The following RILPL1 variants were observed in gnomAD, a reference collection of about 807,000 sequenced individuals.
RILPL1 encodes RILP-like protein 1.
Under a neutral mutation model 50.3 loss-of-function variants are expected in RILPL1, and 33 were observed. That is an observed-to-expected ratio of 0.66 (90% CI 0.50 to 0.88). The LOEUF (loss-of-function observed/expected upper bound fraction) is 0.88, where lower values mean the gene tolerates loss of function less well. Ranked by LOEUF, RILPL1 falls within the 40% of genes least tolerant of loss-of-function variation. The pLI, the probability that RILPL1 is intolerant of heterozygous loss-of-function variation, is 0.00. For synonymous variants in RILPL1, 205 were observed against 228.6 expected (o/e 0.90, Z 0.93); for missense variants, 418 against 542.5 (o/e 0.77, Z 2.28).
At chr12:123,495,709 C>A (rs1315961408) in intron 4 of RILPL1, among the ~76,000 whole-genome samples, 1 of 129,848 alleles carries the variant, frequency 7.7e-6, no homozygotes, top group Non-Finnish European at 1.6e-5. Flanking sequence ...GAGACAGAGT[C>A]TCGCTCCGTT....
chr12:123,512,081 GTGTGGT>G (rs1315098918), intron 2 of RILPL1, among the ~76,000 whole-genome samples: 8 of 135,014 alleles, frequency 5.9e-5, no homozygotes, highest in Non-Finnish European at 9.6e-5. Flanking sequence ...GTCTGTGTGT[GTGTGGT>G]GTGTGTGAGG....
At chr12:123,487,212 G>A (rs550575102) in intron 4 of RILPL1, among the ~76,000 whole-genome samples, 2 of 152,216 alleles carry the variant, frequency 1.3e-5, no homozygotes, top group Admixed American at 1.3e-4. Flanking sequence ...CCCAGAAACA[G>A]AATCATACAT....
intron 6 of RILPL1, 43 bp downstream of exon 6, chr12:123,484,137 C>CGCCAGGTCAGCCGAGCGCAGAA: frequency 7.5e-7 from 1 of 1,328,570 alleles, no homozygotes; most frequent in Middle Eastern, 2.0e-4. Flanking sequence ...ACACGTGAAC[C>CGCCAGGTCAGCCGAGCGCAGAA]GCCAGGTCAG....
intron 2 of RILPL1, among the ~76,000 whole-genome samples, chr12:123,501,867 G>A (rs941538593): frequency 6.6e-6 from 1 of 150,588 alleles, no homozygotes; most frequent in African/African-American, 2.4e-5. Flanking sequence ...ACCTAGGTCG[G>A]GAGCTCGAGA....
At chr12:123,490,141 C>T (rs932674696) in intron 4 of RILPL1, among the ~76,000 whole-genome samples, 1 of 152,056 alleles carries the variant, frequency 6.6e-6, no homozygotes. Context: ...TCAGACAGCT[C>T]GGGTCCTGCC....
intron 3 of RILPL1, 73 bp downstream of exon 3, chr12:123,499,345 A>T: frequency 1.0e-6 from 1 of 981,686 alleles, no homozygotes; most frequent in Non-Finnish European, 1.6e-6. Context: ...GGGCCTGCTG[A>T]GTGGAGGGTC....
In RILPL1 at chr12:123,494,827, G is replaced by C. The variant is rs112116381; in HGVS notation, c.801+3717C>G. On this transcript the variant is annotated intron_variant, in intron 4 of 6. Transcript: ENST00000376874. ...CTCCAGTGAAACAGCTGAGTGTATC[G>C]CTCGCCTGCTGAACCCCTGCGAGGG... 3.1e-3 allele frequency among the ~76,000 whole-genome samples: 467 copies of C among 152,232 alleles called. 1 individual carries two copies. The highest frequency in any genetic ancestry group is 9.4e-3 in the African/African-American group (391 of 41,520).
intron 2 of RILPL1, among the ~76,000 whole-genome samples, chr12:123,515,009 C>A (rs1391866885): frequency 6.6e-6 from 1 of 151,720 alleles, no homozygotes; most frequent in Non-Finnish European, 1.5e-5. Flanking sequence ...AGGCTCACTG[C>A]AGCCTTGACC....
intron 2 of RILPL1, among the ~76,000 whole-genome samples, chr12:123,520,637 G>A (rs1884968153): frequency 6.6e-6 from 1 of 152,170 alleles, no homozygotes; most frequent in African/African-American, 2.4e-5. Flanking sequence ...GGGTTCCGGG[G>A]TCCTCCAGGC....
chr12:123,517,340 T>C (rs924525350), intron 2 of RILPL1, among the ~76,000 whole-genome samples: 4 of 152,086 alleles, frequency 2.6e-5, no homozygotes, highest in Non-Finnish European at 4.4e-5. Flanking sequence ...TTTGTGGTCA[T>C]TTATTATGAC....
At chr12:123,529,117 C>T (rs1300843782) in intron 1 of RILPL1, among the ~76,000 whole-genome samples, 5 of 152,168 alleles carry the variant, frequency 3.3e-5, no homozygotes. Context: ...CGTCTTCTGC[C>T]TAGAATGCCT....
chr12:123,509,626 C>A (rs567969847), intron 2 of RILPL1, among the ~76,000 whole-genome samples: 9 of 151,706 alleles, frequency 5.9e-5, no homozygotes, highest in African/African-American at 1.5e-4. Context: ...ACCCTGAAGA[C>A]CTTATGCTTA....
In RILPL1 at chr12:123,501,747, G is replaced by C. The variant is rs574100394; in HGVS notation, c.461-2211C>G. ...TGCACTCCAGCCTGGGCAACAGTTCGAGACTCTGTCTCAAAAAAAAAAAAA... is the reference window on the plus strand; with the variant it reads ...TGCACTCCAGCCTGGGCAACAGTTCCAGACTCTGTCTCAAAAAAAAAAAAA... On this transcript the variant is annotated intron_variant, in intron 2 of 6. Transcript: ENST00000376874. Among the ~76,000 whole-genome samples, 83 of 126,846 alleles carry C rather than the reference G, an allele frequency of 6.5e-4. 2 individuals carry two copies. In the South Asian group the frequency reaches 0.021, roughly 32 times the overall value. The allele number at this position is 126,846 out of a possible 152,430, so 83.2% of individuals were successfully genotyped here.
intron 2 of RILPL1, among the ~76,000 whole-genome samples, chr12:123,521,807 C>G (rs1280513642): frequency 2.0e-5 from 3 of 150,042 alleles, no homozygotes; most frequent in African/African-American, 7.4e-5. Flanking sequence ...TAGTCTTGCT[C>G]TGTCGCCCAG....
rs1240264429 is a variant in RILPL1, at chr12:123,485,467, A to G, written c.974+166T>C. 6.6e-6 allele frequency among the ~76,000 whole-genome samples: 1 copy of G among 152,186 alleles called. No individual in the cohort carries two copies. Among genetic ancestry groups the G allele is most frequent in the Non-Finnish European group, 1.5e-5 (1 of 68,036 alleles). On this transcript the variant is annotated intron_variant, in intron 5 of 6. Coordinates refer to ENST00000376874, the MANE Select transcript of RILPL1 (RefSeq NM_178314.5). This position sits in a 1 kb window ranked among gnomAD's most constrained non-coding sequence, Gnocchi z 4.0. ...CCCGGCCTGGGCCCAAGAGTTTCAG[A>G]AAGGGGTTGTGAGCTTGTATGTAAG... is the stretch of plus-strand genomic sequence containing the variant.
At chr12:123,521,648 TATACACATATATGTATATATATA>T (rs1885045326) in intron 2 of RILPL1, among the ~76,000 whole-genome samples, 15 of 21,666 alleles carry the variant, frequency 6.9e-4, no homozygotes, top group Non-Finnish European at 2.5e-4. Flanking sequence ...TGTGTATATA[TATACACATATATGTATATATATA>T]AATATATATA....
chr12:123,488,906 C>G lies in RILPL1; in HGVS notation c.802-3101G>C, dbSNP rs544093213. ...AAGTATTCTAGGCGTCTGCTGATGC[C>G]ACAATTTAGGTGGGCTGTGTCCTCA... On this transcript the variant is annotated intron_variant, in intron 4 of 6. Coordinates refer to ENST00000376874, the MANE Select transcript of RILPL1 (RefSeq NM_178314.5). Among the ~76,000 whole-genome samples the G allele has an allele frequency of 2.0e-5, 3 of 152,292 alleles. No individual in the cohort carries two copies. The East Asian group carries it at 5.8e-4, about 29-fold the overall frequency.
chr12:123,485,919 G>T lies in RILPL1; in HGVS notation c.802-114C>A. Reference sequence around the variant, plus strand: ...TCCCGGGGTGCCAGCAGCCTGTGGAGGGTGCTATTTTCAGCACTCGCAGGC... The same window carrying T: ...TCCCGGGGTGCCAGCAGCCTGTGGATGGTGCTATTTTCAGCACTCGCAGGC... On this transcript the variant is annotated intron_variant, in intron 4 of 6. Transcript: ENST00000376874. This position sits in a 1 kb window ranked among gnomAD's most constrained non-coding sequence, Gnocchi z 4.0. The T allele has an allele frequency of 8.9e-7, 1 of 1,125,708 alleles. No individual in the cohort carries two copies. The highest frequency in any genetic ancestry group is 1.2e-6 in the Non-Finnish European group (1 of 822,216). The allele number at this position is 1,125,708 out of a possible 1,614,324, so 69.7% of individuals were successfully genotyped here.
At chr12:123,488,801 C>T (rs997943994) in intron 4 of RILPL1, among the ~76,000 whole-genome samples, 1 of 152,222 alleles carries the variant, frequency 6.6e-6, no homozygotes, top group African/African-American at 2.4e-5. Context: ...GCCGCCCTCG[C>T]AAGCTGTCTG....
Sources: gnomAD v4.1 joint callset for allele counts (sites outside exome capture counted in the v4.1 genomes callset) on GRCh38, gnomAD v4.1.1 for gene constraint, Gnocchi (gnomAD v3.1) non-coding constraint, MANE v1.5 for transcripts, NCBI Gene and HGNC (gene_info 2026-07-23, HGNC 2026-07-21) for gene names.